PDE4D: variants seen among roughly 807,000 people sequenced by gnomAD.
The protein encoded by PDE4D is 3',5'-cyclic-AMP phosphodiesterase 4D.
A neutral mutation model predicts 87.4 loss-of-function variants in PDE4D; 24 were observed. That is an observed-to-expected ratio of 0.27 (90% CI 0.20 to 0.39). The LOEUF (loss-of-function observed/expected upper bound fraction) is 0.39, where lower values mean the gene tolerates loss of function less well. PDE4D is among the 10% of genes least tolerant of loss of function. The pLI is 1.00. For missense variants in PDE4D, 714 were observed against 1,041.0 expected (o/e 0.69, Z 4.32); for synonymous variants, 384 against 383.2 (o/e 1.00, Z -0.02).
intron 1 of PDE4D, among the ~76,000 whole-genome samples, chr5:59,687,322 C>T (rs1267186034): frequency 6.6e-6 from 1 of 152,088 alleles, no homozygotes; most frequent in African/African-American, 2.4e-5. Context: ...TAAGGGCAGC[C>T]AGAGAGAAAG....
chr5:60,127,348 G>A (rs1779205807), intron 2 of PDE4D, among the ~76,000 whole-genome samples: 1 of 152,182 alleles, frequency 6.6e-6, no homozygotes, highest in Non-Finnish European at 1.5e-5. Context: ...GGTGTGTGGT[G>A]AGTGATAAGG....
chr5:59,066,899 C>T (rs1215760845), intron 5 of PDE4D, among the ~76,000 whole-genome samples: 4 of 152,082 alleles, frequency 2.6e-5, no homozygotes, highest in Admixed American at 2.6e-4. Flanking sequence ...TCACAAAATA[C>T]CAAGTCTACC....
chr5:59,274,982 G>T (rs560961034), intron 1 of PDE4D, among the ~76,000 whole-genome samples: 1 of 152,180 alleles, frequency 6.6e-6, no homozygotes, highest in African/African-American at 2.4e-5. Flanking sequence ...CAAGGGCAAA[G>T]CCTGTCAACC....
At chr5:60,400,616 T>TA (rs1341276489) in intron 1 of PDE4D, among the ~76,000 whole-genome samples, 2 of 150,922 alleles carry the variant, frequency 1.3e-5, no homozygotes, top group Non-Finnish European at 3.0e-5. Context: ...CATCCTACTA[T>TA]AAAATCCATT....
intron 1 of PDE4D, among the ~76,000 whole-genome samples, chr5:59,511,921 T>C (rs780217692): frequency 3.9e-5 from 6 of 152,110 alleles, no homozygotes; most frequent in Non-Finnish European, 7.4e-5. Flanking sequence ...CACTATATGA[T>C]ACCATTCTAA....
At chr5:59,199,987 C>T (rs1188678643) in intron 2 of PDE4D, among the ~76,000 whole-genome samples, 1 of 151,056 alleles carries the variant, frequency 6.6e-6, no homozygotes, top group Non-Finnish European at 1.5e-5. Context: ...CATATATACA[C>T]ATGCATACAT....
chr5:59,121,615 G>A (rs1389230062), intron 5 of PDE4D, among the ~76,000 whole-genome samples: 2 of 152,122 alleles, frequency 1.3e-5, no homozygotes, highest in Non-Finnish European at 2.9e-5. Flanking sequence ...CATATCACCA[G>A]TGGGAATGTA....
chr5:60,241,217 GA>G (rs1747069265), intron 1 of PDE4D, among the ~76,000 whole-genome samples: 1 of 145,598 alleles, frequency 6.9e-6, no homozygotes, highest in South Asian at 2.2e-4. Context: ...TTCTGGAGTT[GA>G]AAAATGCAAT....
chr5:59,862,957 A>G (rs1452787983), intron 1 of PDE4D, among the ~76,000 whole-genome samples: 1 of 152,200 alleles, frequency 6.6e-6, no homozygotes, highest in East Asian at 1.9e-4. Context: ...GACTAAGATT[A>G]ACTTTCATAT....
At chr5:59,654,132 T>C (rs374985899) in intron 1 of PDE4D, among the ~76,000 whole-genome samples, 1 of 152,036 alleles carries the variant, frequency 6.6e-6, no homozygotes, top group East Asian at 1.9e-4. Flanking sequence ...CTTAAGCCCA[T>C]GAGGCGGAGG....
intron 2 of PDE4D, among the ~76,000 whole-genome samples, chr5:60,053,823 T>A (rs574397456): frequency 2.6e-5 from 4 of 152,184 alleles, no homozygotes; most frequent in African/African-American, 9.6e-5. Context: ...TACAAGGAAC[T>A]TACACAAATT....
intron 1 of PDE4D, among the ~76,000 whole-genome samples, chr5:59,374,260 G>T (rs1383992472): frequency 6.6e-6 from 1 of 152,056 alleles, no homozygotes; most frequent in Non-Finnish European, 1.5e-5. Flanking sequence ...GAGACTCACT[G>T]GTATGCTGTC....
chr5:60,002,928 C>T (rs1430026248), intron 2 of PDE4D, among the ~76,000 whole-genome samples: 1 of 152,048 alleles, frequency 6.6e-6, no homozygotes, highest in Non-Finnish European at 1.5e-5. Flanking sequence ...CTAGCCAGAG[C>T]AATTAGGCAA....
Position 59,215,977 on chromosome 5 carries a change from G to T in PDE4D, c.456-9C>A. On this transcript the variant is annotated splice_polypyrimidine_tract_variant and intron_variant, in intron 1 of 14. Coordinates refer to ENST00000340635, the MANE Select transcript of PDE4D (RefSeq NM_001104631.2). ...CATTGTCCACATCAAAACTGTAAAG[G>T]AAGGAGAAGGAATTATGTTGCTGTG... is the stretch of plus-strand genomic sequence containing the variant. The T allele has an allele frequency of 6.3e-7, 1 of 1,593,832 alleles. No homozygotes were observed. The highest frequency in any genetic ancestry group is 1.1e-5 in the South Asian group (1 of 89,606).
At chr5:60,195,144 G>T (rs1356950101) in intron 1 of PDE4D, among the ~76,000 whole-genome samples, 1 of 151,456 alleles carries the variant, frequency 6.6e-6, no homozygotes, top group African/African-American at 2.4e-5. Context: ...CTCAACTCAG[G>T]TGTCATCTCC....
intron 1 of PDE4D, among the ~76,000 whole-genome samples, chr5:60,412,396 C>G (rs6449470): frequency 0.097 from 14,761 of 152,144 alleles, 881 homozygotes; most frequent in African/African-American, 0.16. Context: ...TTTTAGAGAG[C>G]CTTACTCCAT....
rs373793249 is a variant in PDE4D, at chr5:59,692,947, C to A, written c.455+200221G>T. On this transcript the variant is annotated intron_variant, in intron 1 of 14. Coordinates refer to ENST00000340635, the MANE Select transcript of PDE4D (RefSeq NM_001104631.2). The stretch of plus-strand genomic sequence containing the variant: ...GTATGAGAAGAGTGACAGGGACAGA[C>A]AAGTATTCAAATAAGAAGTTGTTTG... Among the ~76,000 whole-genome samples, 11 of 152,118 alleles carry A rather than the reference C, an allele frequency of 7.2e-5. No homozygotes were observed. The South Asian group carries it at 1.2e-3, about 17-fold the overall frequency.
intron 1 of PDE4D, among the ~76,000 whole-genome samples, chr5:59,488,549 G>A (rs1453784700): frequency 3.3e-5 from 5 of 152,288 alleles, no homozygotes; most frequent in African/African-American, 1.2e-4. Context: ...TGTGTGCATA[G>A]CTGTGCACAC....
chr5:58,999,524 T>A, intron 6 of PDE4D: 1 of 1,539,444 alleles, frequency 6.5e-7, no homozygotes, highest in East Asian at 2.3e-5. Flanking sequence ...AGTAAATAGT[T>A]TGCTTCAGGC....
Sources: gnomAD v4.1 joint callset for allele counts (sites outside exome capture counted in the v4.1 genomes callset) on GRCh38, gnomAD v4.1.1 for gene constraint, MANE v1.5 for transcripts, NCBI Gene and HGNC (gene_info 2026-07-23, HGNC 2026-07-21) for gene names.